The following ETV6 variants were observed in gnomAD, a reference collection of about 807,000 sequenced individuals.
ETV6 encodes transcription factor ETV6.
Under a neutral mutation model 51.1 loss-of-function variants are expected in ETV6, and 16 were observed. The observed-to-expected ratio is 0.31, with a 90% CI of 0.21 to 0.48. The LOEUF (loss-of-function observed/expected upper bound fraction) is 0.48. Among genes scored for constraint, ETV6 ranks in the 20% least tolerant of loss-of-function variants. The pLI, the probability that ETV6 is intolerant of heterozygous loss-of-function variation, is 0.99. For synonymous variants in ETV6, 240 were observed against 224.1 expected (o/e 1.07, Z -0.64); for missense variants, 458 against 594.8 (o/e 0.77, Z 2.39).
intron 1 of ETV6, among the ~76,000 whole-genome samples, chr12:11,687,228 T>TCAG (rs1864650653): frequency 6.7e-6 from 1 of 149,184 alleles, no homozygotes. Context: ...TTTTTTTTTT[T>TCAG]CAGCTCACTG....
intron 2 of ETV6, among the ~76,000 whole-genome samples, chr12:11,825,952 A>G (rs989307014): frequency 6.6e-6 from 1 of 150,828 alleles, no homozygotes; most frequent in Non-Finnish European, 1.5e-5. Flanking sequence ...TCCCACCTCA[A>G]CCTTCTGAGT....
rs181216755 is a variant in ETV6 at position 11,866,107 on chromosome 12, C to T, written c.464-3317C>T. Among the ~76,000 whole-genome samples the T allele has an allele frequency of 1.9e-3, 286 of 152,100 alleles. 1 individual carries two copies. The highest frequency in any genetic ancestry group is 6.6e-3 in the African/African-American group (272 of 41,492). On this transcript the variant is annotated intron_variant, in intron 4 of 7. Transcript: ENST00000396373. ...CTGTCTTCAAATTTTCTAACCCTTTCTTCTCTCATCTCCGTTCTGCTATTA... is the reference window on the plus strand; with the variant it reads ...CTGTCTTCAAATTTTCTAACCCTTTTTTCTCTCATCTCCGTTCTGCTATTA...
intron 2 of ETV6, among the ~76,000 whole-genome samples, chr12:11,807,007 A>T (rs1408500602): frequency 6.6e-6 from 1 of 152,268 alleles, no homozygotes; most frequent in Non-Finnish European, 1.5e-5. Context: ...AGTCAAACAG[A>T]ATTGTCACAT....
At chr12:11,885,528 C>CA (rs1032389618) in intron 6 of ETV6, among the ~76,000 whole-genome samples, 223 of 151,060 alleles carry the variant, frequency 1.5e-3, no homozygotes, top group African/African-American at 5.1e-3. Flanking sequence ...GTCATTGCAA[C>CA]AAAAAAAAAG....
At chr12:11,749,010 A>G (rs1865960253) in intron 1 of ETV6, among the ~76,000 whole-genome samples, 1 of 152,042 alleles carries the variant, frequency 6.6e-6, no homozygotes, top group African/African-American at 2.4e-5. Flanking sequence ...ACCTGCTCAT[A>G]GGTATTACAA....
At chr12:11,781,883 G>A (rs1276759477) in intron 2 of ETV6, among the ~76,000 whole-genome samples, 2 of 152,184 alleles carry the variant, frequency 1.3e-5, no homozygotes, top group African/African-American at 2.4e-5. Flanking sequence ...AAGATTGAAT[G>A]GGACGGGACC....
intron 1 of ETV6, among the ~76,000 whole-genome samples, chr12:11,744,104 C>A (rs1016651782): frequency 1.3e-5 from 2 of 152,076 alleles, no homozygotes; most frequent in African/African-American, 4.8e-5. Context: ...TGTGAGGGAA[C>A]GTACAAGAAC....
chr12:11,674,292 A>G (rs1017632535), intron 1 of ETV6, among the ~76,000 whole-genome samples: 3 of 152,162 alleles, frequency 2.0e-5, no homozygotes, highest in African/African-American at 7.2e-5. Flanking sequence ...GTGGAGGAAG[A>G]GGGAAAGCAG....
At chr12:11,881,128 A>G (rs1467777735) in intron 5 of ETV6, among the ~76,000 whole-genome samples, 6 of 152,114 alleles carry the variant, frequency 3.9e-5, no homozygotes, top group African/African-American at 7.2e-5. Flanking sequence ...TGTAGAGATG[A>G]GGTCTCGTTA....
At chr12:11,694,687 T>C (rs552708879) in intron 1 of ETV6, among the ~76,000 whole-genome samples, 1 of 152,366 alleles carries the variant, frequency 6.6e-6, no homozygotes, top group South Asian at 2.1e-4. Context: ...CAGCCTTCTC[T>C]CTGCTTTCAG....
chr12:11,846,365 C>CT (rs1946464035), intron 3 of ETV6, among the ~76,000 whole-genome samples: 1 of 152,166 alleles, frequency 6.6e-6, no homozygotes, highest in Non-Finnish European at 1.5e-5. Context: ...CAAATCATCA[C>CT]CTGAAAAATG....
At position 11,702,744 on chromosome 12, in the gene ETV6, T is replaced by C. The variant is rs965726535; in HGVS notation, c.34-49706T>C. Among the ~76,000 whole-genome samples, 12 of 152,368 alleles carry C rather than the reference T, an allele frequency of 7.9e-5. No individual in the cohort carries two copies. The East Asian group carries it at 2.3e-3, about 29-fold the overall frequency. ...CAGGAAGACATAGTCGTTGTTCATA[T>C]GCAGTTTCTATTCTGAACTGTAAAA... On this transcript the variant is annotated intron_variant, in intron 1 of 7. Coordinates refer to ENST00000396373, the MANE Select transcript of ETV6 (RefSeq NM_001987.5).
At chr12:11,692,801 C>G (rs961073897) in intron 1 of ETV6, among the ~76,000 whole-genome samples, 2 of 152,100 alleles carry the variant, frequency 1.3e-5, no homozygotes, top group Admixed American at 6.5e-5. Context: ...CCTGTAATCG[C>G]AGCACTGGGA....
At position 11,752,597 on chromosome 12, in the gene ETV6, G is replaced by A. The variant is rs777302432; in HGVS notation, c.163+18G>A. On this transcript the variant is annotated intron_variant, in intron 2 of 7. Coordinates refer to ENST00000396373, the MANE Select transcript of ETV6 (RefSeq NM_001987.5). ...GCACCTGCGTGAGTGTTCGTGACCCGAGAGGGACAGAGGATTGATGGCGTG... is the reference window on the plus strand; with the variant it reads ...GCACCTGCGTGAGTGTTCGTGACCCAAGAGGGACAGAGGATTGATGGCGTG... The A allele has an allele frequency of 2.4e-5, 39 of 1,604,882 alleles. No individual in the cohort carries two copies. The highest frequency in any genetic ancestry group is 3.3e-5 in the South Asian group (3 of 90,842).
At chr12:11,889,680 C>T (rs544479605) in intron 7 of ETV6, among the ~76,000 whole-genome samples, 5 of 152,266 alleles carry the variant, frequency 3.3e-5, no homozygotes, top group South Asian at 2.1e-4. Context: ...GAGCCAAGAC[C>T]GCTAGACTGC....
At chr12:11,783,545 T>C (rs1489183317) in intron 2 of ETV6, among the ~76,000 whole-genome samples, 1 of 152,138 alleles carries the variant, frequency 6.6e-6, no homozygotes, top group Non-Finnish European at 1.5e-5. Flanking sequence ...TTTTTGCTTT[T>C]GTTTTGTTTA....
At chr12:11,824,953 A>G (rs1946131679) in intron 2 of ETV6, among the ~76,000 whole-genome samples, 1 of 152,210 alleles carries the variant, frequency 6.6e-6, no homozygotes, top group Non-Finnish European at 1.5e-5. Flanking sequence ...ATTTCGGAAC[A>G]TTGTCTTCAG....
At chr12:11,664,406 G>A (rs758368038) in intron 1 of ETV6, among the ~76,000 whole-genome samples, 2 of 151,846 alleles carry the variant, frequency 1.3e-5, no homozygotes, top group South Asian at 2.1e-4. Context: ...GAGAGGAGAT[G>A]GCAGCTTTTC....
intron 3 of ETV6, among the ~76,000 whole-genome samples, chr12:11,851,162 T>C (rs1946547647): frequency 6.6e-6 from 1 of 151,510 alleles, no homozygotes; most frequent in South Asian, 2.1e-4. Flanking sequence ...TGAACCAAGC[T>C]GAACACCCTC....
Sources: allele counts gnomAD v4.1 joint callset (sites outside exome capture counted in the v4.1 genomes callset), GRCh38; gene constraint gnomAD v4.1.1; transcripts MANE v1.5; gene names NCBI Gene and HGNC (gene_info 2026-07-23, HGNC 2026-07-21).